The following ADGRL2 variants were observed in gnomAD, a reference collection of about 807,000 sequenced individuals.
ADGRL2 encodes the protein calcium-independent alpha-latrotoxin receptor 2.
ADGRL2 carries 44 observed loss-of-function variants against 157.4 expected under a neutral mutation model. The observed-to-expected ratio is 0.28, with a 90% CI of 0.22 to 0.36. ADGRL2 has a LOEUF of 0.36. Among genes scored for constraint, ADGRL2 ranks in the 10% least tolerant of loss-of-function variants. ADGRL2 has a pLI of 1.00. For missense variants in ADGRL2, 1,510 were observed against 1,768.9 expected, an observed-to-expected ratio of 0.85 and a Z score of 2.63; for synonymous variants, 585 against 624.7, an observed-to-expected ratio of 0.94 and a Z score of 0.95.
intron 3 of ADGRL2, among the ~76,000 whole-genome samples, chr1:81,932,890 C>T (rs912090754): frequency 6.6e-6 from 1 of 151,918 alleles, no homozygotes; most frequent in African/African-American, 2.4e-5. Flanking sequence ...TTAGTAGAGA[C>T]GGGGTTTCTC....
At chr1:81,605,118 C>T (rs2081407339) in intron 3 of ADGRL2, among the ~76,000 whole-genome samples, 1 of 152,110 alleles carries the variant, frequency 6.6e-6, no homozygotes, top group South Asian at 2.1e-4. Context: ...ATGAGGGCAG[C>T]ATAGGAGCAG....
chr1:81,504,281 A>C (rs1468773585), intron 2 of ADGRL2, among the ~76,000 whole-genome samples: 1 of 151,308 alleles, frequency 6.6e-6, no homozygotes, highest in African/African-American at 2.4e-5. Context: ...AGCCCTCTTC[A>C]GCCCTCCCCA....
chr1:81,587,146 A>G (rs1478638821), intron 3 of ADGRL2, among the ~76,000 whole-genome samples: 2 of 152,134 alleles, frequency 1.3e-5, no homozygotes, highest in Non-Finnish European at 2.9e-5. Context: ...TTTAAGAACA[A>G]TGCTAAGCCA....
intron 11 of ADGRL2, among the ~76,000 whole-genome samples, chr1:81,957,932 G>A (rs1284502772): frequency 1.2e-4 from 18 of 151,914 alleles, no homozygotes; most frequent in African/African-American, 3.6e-4. Flanking sequence ...TTGGGAGGCC[G>A]AGGCAGGCGG....
chr1:81,955,571 G>A (rs552113469), intron 10 of ADGRL2, among the ~76,000 whole-genome samples: 1 of 152,096 alleles, frequency 6.6e-6, no homozygotes, highest in Non-Finnish European at 1.5e-5. Flanking sequence ...CAGATTAAGA[G>A]CTGACACAGG....
chr1:81,915,075 A>C (rs1188723629), intron 3 of ADGRL2, among the ~76,000 whole-genome samples: 1 of 152,138 alleles, frequency 6.6e-6, no homozygotes, highest in Non-Finnish European at 1.5e-5. Context: ...GTCACATCAA[A>C]AATTCTGCCC....
At chr1:81,583,256 T>C (rs2080954439) in intron 3 of ADGRL2, among the ~76,000 whole-genome samples, 1 of 152,174 alleles carries the variant, frequency 6.6e-6, no homozygotes, top group African/African-American at 2.4e-5. Flanking sequence ...GAAGTAACAA[T>C]ATTTCTACTA....
chr1:81,590,781 A>G (rs1238433564), intron 3 of ADGRL2, among the ~76,000 whole-genome samples: 1 of 151,924 alleles, frequency 6.6e-6, no homozygotes, highest in Non-Finnish European at 1.5e-5. Flanking sequence ...TCTCTACTTC[A>G]TTTCATGTGA....
intron 1 of ADGRL2, among the ~76,000 whole-genome samples, chr1:81,728,393 A>G (rs1233139197): frequency 2.0e-5 from 3 of 152,228 alleles, no homozygotes; most frequent in Non-Finnish European, 4.4e-5. Flanking sequence ...CTCATAACAT[A>G]TTAACATGTA....
intron 2 of ADGRL2, among the ~76,000 whole-genome samples, chr1:81,538,251 G>A (rs1034334107): frequency 2.6e-5 from 4 of 152,004 alleles, no homozygotes; most frequent in Non-Finnish European, 5.9e-5. Flanking sequence ...CAAGGTGCAG[G>A]TTAGTTCCCA....
intron 3 of ADGRL2, among the ~76,000 whole-genome samples, chr1:81,601,468 G>C (rs958604665): frequency 6.6e-6 from 1 of 152,176 alleles, no homozygotes; most frequent in African/African-American, 2.4e-5. Flanking sequence ...ATGCCACAGA[G>C]AGAATTAAAA....
chr1:81,931,377 A>C (rs573151773), intron 3 of ADGRL2, among the ~76,000 whole-genome samples: 1 of 152,242 alleles, frequency 6.6e-6, no homozygotes, highest in East Asian at 1.9e-4. Flanking sequence ...TCTCAGGTTG[A>C]GTGTTGTACT....
chr1:81,502,725 C>T lies in ADGRL2; in HGVS notation c.-248+57636C>T, dbSNP rs534560658. 85 of 1,613,640 alleles carry T rather than the reference C, an allele frequency of 5.3e-5. No individual in the cohort carries two copies. The African/African-American group carries it at 1.1e-3, about 20-fold the overall frequency. ...AGAAGAAAGCCTTGAGTTCCCCAGCCGAGCTCCAGGCAGCAATTGATGGCA... is the reference window on the plus strand; with the variant it reads ...AGAAGAAAGCCTTGAGTTCCCCAGCTGAGCTCCAGGCAGCAATTGATGGCA... On this transcript the variant is annotated intron_variant, in intron 2 of 24. Transcript: ENST00000370721.
intron 3 of ADGRL2, among the ~76,000 whole-genome samples, chr1:81,607,494 G>A (rs1485565147): frequency 6.6e-6 from 1 of 152,180 alleles, no homozygotes; most frequent in Non-Finnish European, 1.5e-5. Flanking sequence ...GTCAAATTAA[G>A]TGTTATCTAA....
chr1:81,546,957 A>G (rs1459866629), intron 2 of ADGRL2, among the ~76,000 whole-genome samples: 1 of 151,768 alleles, frequency 6.6e-6, no homozygotes, highest in Non-Finnish European at 1.5e-5. Context: ...TGTTTTGTTC[A>G]CTCAATTCTT....
intron 2 of ADGRL2, chr1:81,506,054 G>A: frequency 5.9e-6 from 1 of 170,312 alleles, no homozygotes; most frequent in East Asian, 1.6e-4. Context: ...GAAATGCAGA[G>A]AACAAAATGG....
intron 2 of ADGRL2, among the ~76,000 whole-genome samples, chr1:81,559,752 T>C (rs1038747035): frequency 1.3e-5 from 2 of 152,170 alleles, no homozygotes; most frequent in Non-Finnish European, 2.9e-5. Context: ...GGAGTAATGT[T>C]TGATTATATT....
intron 10 of ADGRL2, among the ~76,000 whole-genome samples, chr1:81,955,446 A>G (rs1169546781): frequency 6.6e-6 from 1 of 152,162 alleles, no homozygotes; most frequent in Non-Finnish European, 1.5e-5. Context: ...ATTTTCAAGC[A>G]TACATATTAA....
At chr1:81,316,736 A>G (rs942273205) in intron 1 of ADGRL2, among the ~76,000 whole-genome samples, 1 of 152,218 alleles carries the variant, frequency 6.6e-6, no homozygotes, top group African/African-American at 2.4e-5. Flanking sequence ...TAAATATTAT[A>G]GCCAAATCAG....
Sources: gnomAD v4.1 joint callset for allele counts (sites outside exome capture counted in the v4.1 genomes callset) on GRCh38, gnomAD v4.1.1 for gene constraint, MANE v1.5 for transcripts, NCBI Gene and HGNC (gene_info 2026-07-23, HGNC 2026-07-21) for gene names.